RPTOR: variants seen among roughly 807,000 people sequenced by gnomAD.
The protein encoded by RPTOR is regulatory-associated protein of mTOR.
Under a neutral mutation model 169.9 loss-of-function variants are expected in RPTOR, and 21 were observed. The observed-to-expected ratio is 0.12, with a 90% CI of 0.09 to 0.18. RPTOR has a LOEUF of 0.18. Among genes scored for constraint, RPTOR ranks in the 10% least tolerant of loss-of-function variants. The pLI is 1.00. For synonymous variants in RPTOR, 732 were observed against 753.2 expected (o/e 0.97, Z 0.46); for missense variants, 1,133 against 1,855.9 (o/e 0.61, Z 7.16).
At chr17:80,795,053 G>T (rs2067087410) in intron 7 of RPTOR, among the ~76,000 whole-genome samples, 1 of 152,210 alleles carries the variant, frequency 6.6e-6, no homozygotes, top group Admixed American at 6.5e-5. Context: ...TGAAGTAAAA[G>T]TAATACATAA....
intron 7 of RPTOR, among the ~76,000 whole-genome samples, chr17:80,799,851 C>T (rs62069404): frequency 0.038 from 5,740 of 152,244 alleles, 153 homozygotes; most frequent in East Asian, 0.1. Context: ...AGGTGGTGAT[C>T]GGCACATAAC....
At position 80,860,351 on chromosome 17, in the gene RPTOR, G is replaced by A. The variant is rs898031214; in HGVS notation, c.1509+2451G>A. On this transcript the variant is annotated intron_variant, in intron 13 of 33. Coordinates refer to ENST00000306801, the MANE Select transcript of RPTOR (RefSeq NM_020761.3). The surrounding 1 kb of genome is among the most constrained non-coding windows in gnomAD (Gnocchi z 5.8). The stretch of plus-strand genomic sequence containing the variant: ...CACAGGCTCGTACCCCGCACTGTGC[G>A]CTCTCACCCGTCAGCCCTGCACACC... Among the ~76,000 whole-genome samples, 4 of 152,146 alleles carry A rather than the reference G, an allele frequency of 2.6e-5. No homozygotes were observed. The highest frequency in any genetic ancestry group is 9.7e-5 in the African/African-American group (4 of 41,450).
At chr17:80,626,947 C>T (rs964142618) in intron 2 of RPTOR, among the ~76,000 whole-genome samples, 3 of 152,110 alleles carry the variant, frequency 2.0e-5, no homozygotes, top group African/African-American at 7.2e-5. Context: ...TTACACAACT[C>T]CTCATTCCTG....
At chr17:80,763,550 T>C (rs9913009) in intron 6 of RPTOR, among the ~76,000 whole-genome samples, 41,409 of 152,102 alleles carry the variant, frequency 0.27, 5,817 homozygotes, top group African/African-American at 0.33. Flanking sequence ...TGTGCTTAGA[T>C]ACAGAGACAC....
At chr17:80,852,431 G>T (rs989521241) in intron 11 of RPTOR, among the ~76,000 whole-genome samples, 1 of 152,054 alleles carries the variant, frequency 6.6e-6, no homozygotes, top group African/African-American at 2.4e-5. Flanking sequence ...ATAGGAGAGG[G>T]ATCCGGTTCC....
At chr17:80,634,694 CGTGTGCGTACTGTGT>C (rs1411358331) in intron 2 of RPTOR, among the ~76,000 whole-genome samples, 1,161 of 22,216 alleles carry the variant, frequency 0.052, 108 homozygotes, top group African/African-American at 0.19. Flanking sequence ...GTACTGTGTG[CGTGTGCGTACTGTGT>C]GTGTGCGTAC....
intron 1 of RPTOR, among the ~76,000 whole-genome samples, chr17:80,611,983 C>G (rs2065274987): frequency 6.6e-6 from 1 of 152,134 alleles, no homozygotes; most frequent in Non-Finnish European, 1.5e-5. Context: ...GAAGTTCAAT[C>G]TAGAGGTTTG....
At chr17:80,877,753 A>G (rs1398754218) in intron 13 of RPTOR, among the ~76,000 whole-genome samples, 3 of 152,132 alleles carry the variant, frequency 2.0e-5, no homozygotes, top group Admixed American at 6.5e-5. Context: ...CCTTCAGCTA[A>G]AGCCAGTTGT....
intron 1 of RPTOR, among the ~76,000 whole-genome samples, chr17:80,625,409 T>C (rs1369907788): frequency 6.6e-6 from 1 of 152,236 alleles, no homozygotes; most frequent in Non-Finnish European, 1.5e-5. Flanking sequence ...TTTGATCAAA[T>C]AATTCCATTT....
chr17:80,907,523 G>A (rs1002168287), intron 20 of RPTOR, among the ~76,000 whole-genome samples: 3 of 152,234 alleles, frequency 2.0e-5, no homozygotes, highest in Admixed American at 6.5e-5. Flanking sequence ...TCCCTTCTCG[G>A]CCTCTCTGGG....
chr17:80,549,435 G>A (rs1332529674), intron 1 of RPTOR, among the ~76,000 whole-genome samples: 5 of 152,022 alleles, frequency 3.3e-5, no homozygotes, highest in East Asian at 1.9e-4. Flanking sequence ...GCAGCCTCCC[G>A]AGTAGCTGGG....
intron 13 of RPTOR, among the ~76,000 whole-genome samples, chr17:80,864,415 G>C (rs1221767207): frequency 1.3e-5 from 2 of 150,204 alleles, no homozygotes; most frequent in South Asian, 4.2e-4. Flanking sequence ...AGATGGAAAA[G>C]GTGAGCGTGA....
At position 80,823,354 on chromosome 17, in the gene RPTOR, TGAAG is replaced by T; in HGVS notation, c.1136+132_1136+135del. The T allele has an allele frequency of 5.3e-6, 6 of 1,135,018 alleles. No homozygotes were observed. The highest frequency in any genetic ancestry group is 1.6e-5 in the South Asian group (1 of 64,096). 70.3% of individuals were successfully genotyped at this position (1,135,018 alleles called of 1,614,324 possible). On this transcript the variant is annotated intron_variant, in intron 9 of 33. Coordinates refer to ENST00000306801, the MANE Select transcript of RPTOR (RefSeq NM_020761.3). The surrounding 1 kb of genome is among the most constrained non-coding windows in gnomAD (Gnocchi z 4.5). ...GGGGACCCCGTGTAGCATTAACAAG[TGAAG>T]CTAAATGCAGGGCTCCCAGAGATCT...
In RPTOR at chr17:80,659,437, T is replaced by G. The variant is rs1163491689; in HGVS notation, c.348+15627T>G. On this transcript the variant is annotated intron_variant, in intron 3 of 33. Coordinates refer to ENST00000306801, the MANE Select transcript of RPTOR (RefSeq NM_020761.3). This position sits in a 1 kb window ranked among gnomAD's most constrained non-coding sequence, Gnocchi z 4.3. ...GCCTCGACCTCCTGGGCTCAAGTGA[T>G]CCTCCCACCTCAGCCTCCTGAGTAG... is the stretch of plus-strand genomic sequence containing the variant. 1.3e-5 allele frequency among the ~76,000 whole-genome samples: 2 copies of G among 152,132 alleles called. No homozygotes were observed. The highest frequency in any genetic ancestry group is 2.9e-5 in the Non-Finnish European group (2 of 68,040).
At position 80,955,679 on chromosome 17, in the gene RPTOR, G is replaced by GA. The variant is rs201989127; in HGVS notation, c.3371-1937dup. On this transcript the variant is annotated intron_variant, in intron 28 of 33. Transcript: ENST00000306801. ...AAAAATATGTGCAACTGTCTGTCGT[G>GA]AAAAAAAACGGCAAACACCACACAT... is the stretch of plus-strand genomic sequence containing the variant. Among the ~76,000 whole-genome samples, 794 of 151,982 alleles carry GA rather than the reference G, an allele frequency of 5.2e-3. 9 individuals are homozygous for GA. The highest frequency in any genetic ancestry group is 0.028 in the South Asian group (132 of 4,796).
chr17:80,962,639 G>C, intron 32 of RPTOR, 62 bp downstream of exon 32: 1 of 1,442,578 alleles, frequency 6.9e-7, no homozygotes. Context: ...TGTGCAAACG[G>C]GAGGCTCTTG....
intron 3 of RPTOR, among the ~76,000 whole-genome samples, chr17:80,687,541 G>T (rs1256007135): frequency 2.0e-5 from 3 of 152,212 alleles, no homozygotes; most frequent in African/African-American, 7.2e-5. Context: ...GGTCTCCCCT[G>T]CCTCTGCCCC....
chr17:80,747,070 C>T (rs1002676595), intron 5 of RPTOR, among the ~76,000 whole-genome samples: 3 of 152,026 alleles, frequency 2.0e-5, no homozygotes, highest in East Asian at 1.9e-4. Flanking sequence ...TACAAAAATT[C>T]GCTGGGTGTG....
Position 80,611,306 on chromosome 17 carries a change from C to T in RPTOR, c.163-14385C>T, listed in dbSNP as rs374692458. Among the ~76,000 whole-genome samples, 16 of 152,028 alleles carry T rather than the reference C, an allele frequency of 1.1e-4. No homozygotes were observed. The East Asian group carries it at 1.2e-3, about 11-fold the overall frequency. On this transcript the variant is annotated intron_variant, in intron 1 of 33. Coordinates refer to ENST00000306801, the MANE Select transcript of RPTOR (RefSeq NM_020761.3). The stretch of plus-strand genomic sequence containing the variant: ...AGATGGAGTCGCACTTTGTTGCCCA[C>T]GCTAGAGTGCCGTGATGCGATCTTT...
Sources: gnomAD v4.1 joint callset for allele counts (sites outside exome capture counted in the v4.1 genomes callset) on GRCh38, gnomAD v4.1.1 for gene constraint, Gnocchi (gnomAD v3.1) non-coding constraint, MANE v1.5 for transcripts, NCBI Gene and HGNC (gene_info 2026-07-23, HGNC 2026-07-21) for gene names.